The following CTTN variants were observed in gnomAD, a reference collection of about 807,000 sequenced individuals.
The protein encoded by CTTN is src substrate cortactin.
In CTTN, 28 loss-of-function variants were observed where a neutral mutation model predicts 84.0. That is an observed-to-expected ratio of 0.33 (90% confidence interval 0.25 to 0.46). The LOEUF (loss-of-function observed/expected upper bound fraction) is 0.46, where lower values mean the gene tolerates loss of function less well. Among genes scored for constraint, CTTN ranks in the 20% least tolerant of loss-of-function variants. The pLI is 1.00. For synonymous variants in CTTN, 301 were observed against 288.8 expected, an observed-to-expected ratio of 1.04 and a Z score of -0.43; for missense variants, 641 against 723.8, an observed-to-expected ratio of 0.89 and a Z score of 1.31.
rs942093104 is a variant in CTTN, at chr11:70,421,590, C to T, written c.901+10C>T. The stretch of plus-strand genomic sequence containing the variant: ...CACGAGTCCCAGCAAGGCACAGTTG[C>T]CACCAGCCTCCTACCCTCCCCCCGA... On this transcript the variant is annotated intron_variant, in intron 11 of 17. Coordinates refer to ENST00000301843, the MANE Select transcript of CTTN (RefSeq NM_005231.4). 6.3e-7 allele frequency: 1 copy of T among 1,592,590 alleles called. No individual in the cohort carries two copies. The highest frequency in any genetic ancestry group is 8.6e-7 in the Non-Finnish European group (1 of 1,160,404).
In CTTN at chr11:70,407,327, G is replaced by A. The variant is rs750067548; in HGVS notation, c.30G>A (p.Val10=). The A allele has an allele frequency of 1.3e-6, 2 of 1,555,888 alleles. No homozygotes were observed. The highest frequency in any genetic ancestry group is 3.9e-5 in the Admixed American group (2 of 51,256). The change falls in exon 3 of 18, where the codon GTG becomes GTA. Residue 10 remains valine (V), a synonymous_variant. Transcript: ENST00000301843. ...GGAAAGCTTCAGCAGGCCACGCTGT[G>A]TCCATCGCCCAGGATGACGCGGGGG... MWKASAGHA[V]SIAQDDAGAD...
chr11:70,422,749 ACTGC>A, intron 11 of CTTN, 187 bp from the exon 12 acceptor site: 1 of 1,456,758 alleles, frequency 6.9e-7, no homozygotes, highest in South Asian at 1.3e-5. Context: ...TCTGCTTCTC[ACTGC>A]CTGTGTCTCA....
intron 17 of CTTN, 53 bp from the exon 18 acceptor site, chr11:70,434,973 C>T: frequency 1.3e-6 from 2 of 1,595,496 alleles, no homozygotes; most frequent in Non-Finnish European, 1.7e-6. Flanking sequence ...TTTTTTCTGG[C>T]AGACCAGGAA....
chr11:70,427,706 T>C (rs567571725), intron 13 of CTTN, among the ~76,000 whole-genome samples: 7 of 152,244 alleles, frequency 4.6e-5, no homozygotes, highest in Non-Finnish European at 1.0e-4. Flanking sequence ...GTGTTGGTCA[T>C]TTGGAAAATG....
At chr11:70,409,350 G>A (rs1024246293) in intron 4 of CTTN, among the ~76,000 whole-genome samples, 1 of 152,134 alleles carries the variant, frequency 6.6e-6, no homozygotes, top group African/African-American at 2.4e-5. Context: ...ATTCTGAAAC[G>A]CTTTCCTCTC....
Position 70,435,176 on chromosome 11 carries a change from C to G in CTTN, c.*14C>G, listed in dbSNP as rs112108792. On this transcript the variant is annotated 3_prime_UTR_variant, in exon 18 of 18. Transcript: ENST00000301843. Reference sequence around the variant, plus strand: ...CTGCGGCAGTAGGGCCCCCAGCCCCCCCCCGGAGCTGCGCCCTGGATCCTC... The same window carrying G: ...CTGCGGCAGTAGGGCCCCCAGCCCCGCCCCGGAGCTGCGCCCTGGATCCTC... 2.1e-3 allele frequency: 3,386 copies of G among 1,600,250 alleles called. 61 individuals are homozygous for G. In the South Asian group the frequency reaches 0.027, roughly 13 times the overall value.
chr11:70,419,723 A>C, intron 8 of CTTN, 23 bp from the exon 9 acceptor site: 1 of 1,578,328 alleles, frequency 6.3e-7, no homozygotes, highest in Non-Finnish European at 8.6e-7. Context: ...CTTTTAAAGT[A>C]GTCCTTTTTT....
At chr11:70,415,253 G>A (rs2058144702) in intron 6 of CTTN, among the ~76,000 whole-genome samples, 1 of 152,228 alleles carries the variant, frequency 6.6e-6, no homozygotes, top group African/African-American at 2.4e-5. Flanking sequence ...ACGGGTGTTT[G>A]CTCAGATGCC....
chr11:70,419,697 A>G (rs1290809384), intron 8 of CTTN, 49 bp from the exon 9 acceptor site: 3 of 1,478,264 alleles, frequency 2.0e-6, no homozygotes, highest in Non-Finnish European at 2.8e-6. Flanking sequence ...TTGCATGTTC[A>G]CTGATTTCGT....
At chr11:70,431,309 TG>T in intron 15 of CTTN, 29 bp downstream of exon 15, 1 of 1,606,182 alleles carries the variant, frequency 6.2e-7, no homozygotes, top group Non-Finnish European at 8.5e-7. Context: ...TGAATGAGCG[TG>T]AGTGACTTAC....
At chr11:70,433,031 T>G in intron 15 of CTTN, 70 bp from the exon 16 acceptor site, 2 of 1,483,766 alleles carry the variant, frequency 1.3e-6, no homozygotes, top group South Asian at 1.2e-5. Context: ...CTGCTGGCTG[T>G]GGCAGTACAG....
chr11:70,435,123 C>T lies in CTTN; in HGVS notation c.1614C>T (p.Tyr538=), dbSNP rs545888686. 7.4e-5 allele frequency: 120 copies of T among 1,613,378 alleles called. No homozygotes were observed. In the South Asian group the frequency reaches 9.0e-4, roughly 12 times the overall value. Residue 538 remains tyrosine, a synonymous_variant, in exon 18 of 18, where the codon TAC becomes TAT. Coordinates refer to ENST00000301843, the MANE Select transcript of CTTN (RefSeq NM_005231.4). ...GGCGCGGGGTGTGCAAGGGCCGGTA[C>T]GGGCTCTTCCCAGCCAACTATGTGG... The part of the protein sequence containing the change: ...GWWRGVCKGR[Y]GLFPANYVEL...
intron 13 of CTTN, among the ~76,000 whole-genome samples, chr11:70,428,601 A>G (rs1360672892): frequency 1.3e-5 from 2 of 152,212 alleles, no homozygotes; most frequent in Admixed American, 1.3e-4. Context: ...GATTACAGGC[A>G]TGAGCCACTG....
At chr11:70,415,439 A>G (rs1458422377) in intron 6 of CTTN, among the ~76,000 whole-genome samples, 2 of 152,198 alleles carry the variant, frequency 1.3e-5, no homozygotes, top group Admixed American at 6.5e-5. Flanking sequence ...CACCAGGGAT[A>G]TGGCTTGGCC....
intron 1 of CTTN, among the ~76,000 whole-genome samples, chr11:70,401,143 C>T (rs1437754779): frequency 6.6e-6 from 1 of 152,034 alleles, no homozygotes; most frequent in African/African-American, 2.4e-5. Context: ...CGAGATCAGC[C>T]TAGGCAACAT....
intron 17 of CTTN, 34 bp from the exon 18 acceptor site, chr11:70,434,992 A>C (rs1280074404): frequency 6.2e-7 from 1 of 1,611,242 alleles, no homozygotes; most frequent in African/African-American, 1.3e-5. Context: ...AAACGCTTGC[A>C]CTTCAGCATC....
At chr11:70,400,590 CT>C (rs2057966440) in intron 1 of CTTN, among the ~76,000 whole-genome samples, 1 of 152,222 alleles carries the variant, frequency 6.6e-6, no homozygotes, top group Non-Finnish European at 1.5e-5. Flanking sequence ...CTAAAGCTGA[CT>C]TTTAATTGTA....
At chr11:70,407,459 G>C in intron 3 of CTTN, 59 bp from the exon 4 acceptor site, 1 of 1,611,534 alleles carries the variant, frequency 6.2e-7, no homozygotes, top group South Asian at 1.1e-5. Context: ...TTGATGGGGT[G>C]GTGGTTTGTC....
At chr11:70,414,777 A>C in intron 6 of CTTN, 125 bp downstream of exon 6, 1 of 659,386 alleles carries the variant, frequency 1.5e-6, no homozygotes. Flanking sequence ...GACTGCAGAG[A>C]GGGGCATCTG....
Sources: gnomAD v4.1 joint callset for allele counts (sites outside exome capture counted in the v4.1 genomes callset) on GRCh38, gnomAD v4.1.1 for gene constraint, MANE v1.5 for transcripts, NCBI Gene and HGNC (gene_info 2026-07-23, HGNC 2026-07-21) for gene names.